Variants in PRR16 observed in about 807,000 individuals in gnomAD.
The protein encoded by PRR16 is proline rich 16, also known as protein Largen.
PRR16 carries 6 observed loss-of-function variants against 18.2 expected under a neutral mutation model. That is an observed-to-expected ratio of 0.33 (90% CI 0.18 to 0.65). The LOEUF (loss-of-function observed/expected upper bound fraction) is 0.65. Ranked by LOEUF, PRR16 falls within the 30% of genes least tolerant of loss-of-function variation. The pLI is 0.74. For missense variants in PRR16, 412 were observed against 376.6 expected (o/e 1.09, Z -0.78); for synonymous variants, 151 against 147.8 (o/e 1.02, Z -0.16).
At chr5:120,589,794 G>A (rs926301337) in intron 1 of PRR16, among the ~76,000 whole-genome samples, 1 of 152,080 alleles carries the variant, frequency 6.6e-6, no homozygotes, top group Non-Finnish European at 1.5e-5. Flanking sequence ...GCAACACGTA[G>A]GAATTATGGG....
chr5:120,744,442 T>G, the PRR16 span, among the ~76,000 whole-genome samples: 1 of 152,208 alleles, frequency 6.6e-6, no homozygotes, highest in Admixed American at 6.5e-5. Flanking sequence ...GGGTGTTACC[T>G]GAAGTCTAAG....
intron 1 of PRR16, among the ~76,000 whole-genome samples, chr5:120,482,159 G>C (rs1182666988): frequency 6.6e-6 from 1 of 152,024 alleles, no homozygotes; most frequent in Non-Finnish European, 1.5e-5. Context: ...TTACATTCAG[G>C]GGGTACATGT....
intron 1 of PRR16, among the ~76,000 whole-genome samples, chr5:120,523,473 G>A (rs1254679492): frequency 6.6e-6 from 1 of 152,108 alleles, no homozygotes; most frequent in Non-Finnish European, 1.5e-5. Context: ...ATTTGTATTT[G>A]TGAGTATTAT....
At chr5:120,718,936 C>A in the PRR16 span, among the ~76,000 whole-genome samples, 7 of 152,088 alleles carry the variant, frequency 4.6e-5, no homozygotes, top group African/African-American at 1.7e-4. Context: ...GGGGCTCTCA[C>A]TGAAGAAGGG....
intron 1 of PRR16, among the ~76,000 whole-genome samples, chr5:120,670,436 T>C (rs1024891837): frequency 2.0e-5 from 3 of 152,176 alleles, no homozygotes; most frequent in African/African-American, 4.8e-5. Flanking sequence ...ATGTAGACTT[T>C]CATTGTTTTC....
chr5:120,774,517 C>T, the PRR16 span, among the ~76,000 whole-genome samples: 1 of 152,024 alleles, frequency 6.6e-6, no homozygotes, highest in Admixed American at 6.6e-5. Context: ...GCATAGAAGC[C>T]ACCCGATGCT....
At position 120,674,535 on chromosome 5, in the gene PRR16, C is replaced by T. The variant is rs181593578; in HGVS notation, c.160-11419C>T. Among the ~76,000 whole-genome samples the T allele has an allele frequency of 1.6e-4, 25 of 152,190 alleles. No homozygotes were observed. In the East Asian group the frequency reaches 4.6e-3, roughly 28 times the overall value. On this transcript the variant is annotated intron_variant, in intron 1 of 1. Transcript: ENST00000407149. ...GCAAAATGTCTTTCACTGTCTATTCCTCCTGAAGAAACTGTATTGATCATG... is the reference window on the plus strand; with the variant it reads ...GCAAAATGTCTTTCACTGTCTATTCTTCCTGAAGAAACTGTATTGATCATG...
chr5:120,597,801 T>C (rs115242416), intron 1 of PRR16, among the ~76,000 whole-genome samples: 3,605 of 152,010 alleles, frequency 0.024, 51 homozygotes, highest in Non-Finnish European at 0.035. Context: ...TTCTAAATCT[T>C]CTAAATATTT....
At chr5:120,576,213 A>G (rs1753072441) in intron 1 of PRR16, among the ~76,000 whole-genome samples, 1 of 152,178 alleles carries the variant, frequency 6.6e-6, no homozygotes. Context: ...CGGAGTGAAG[A>G]GATAAACTAT....
At chr5:120,524,179 C>T (rs1324421683) in intron 1 of PRR16, among the ~76,000 whole-genome samples, 1 of 152,156 alleles carries the variant, frequency 6.6e-6, no homozygotes, top group Non-Finnish European at 1.5e-5. Flanking sequence ...TAAGCTGACT[C>T]CTGTGTCTAA....
In PRR16 at chr5:120,577,345, A is replaced by C. The variant is rs572117172; in HGVS notation, c.160-108609A>C. ...GTTGTAAATTCAGAAAAATGTAGAA[A>C]GTAGAGAGAGACTGTTTTATTGAGG... On this transcript the variant is annotated intron_variant, in intron 1 of 1. Transcript: ENST00000407149. 7.2e-5 allele frequency among the ~76,000 whole-genome samples: 11 copies of C among 152,140 alleles called. No homozygotes were observed. The East Asian group carries it at 2.1e-3, about 29-fold the overall frequency.
chr5:120,782,824 C>G, the PRR16 span, among the ~76,000 whole-genome samples: 1 of 152,132 alleles, frequency 6.6e-6, no homozygotes, highest in Non-Finnish European at 1.5e-5. Flanking sequence ...ATATAACTGT[C>G]TGAACCCACC....
chr5:120,662,585 CTT>C (rs1317243155), intron 1 of PRR16, among the ~76,000 whole-genome samples: 1 of 152,014 alleles, frequency 6.6e-6, no homozygotes, highest in Non-Finnish European at 1.5e-5. Flanking sequence ...CTATGTATTC[CTT>C]TCTTTCTTTT....
chr5:120,631,939 C>G (rs944089967), intron 1 of PRR16, among the ~76,000 whole-genome samples: 1 of 152,124 alleles, frequency 6.6e-6, no homozygotes, highest in African/African-American at 2.4e-5. Flanking sequence ...ACAAAACCAG[C>G]ACACTAAATG....
chr5:120,658,678 A>G (rs1346947992), intron 1 of PRR16, among the ~76,000 whole-genome samples: 2 of 151,968 alleles, frequency 1.3e-5, no homozygotes, highest in Non-Finnish European at 2.9e-5. Context: ...TCCAAGACAT[A>G]AAGATAAAAT....
At chr5:120,736,498 C>T in the PRR16 span, among the ~76,000 whole-genome samples, 9 of 143,860 alleles carry the variant, frequency 6.3e-5, no homozygotes, top group African/African-American at 2.3e-4. Flanking sequence ...CTCCTGACCT[C>T]AAGTGACCCG....
intron 1 of PRR16, among the ~76,000 whole-genome samples, chr5:120,654,856 A>T (rs1314253511): frequency 6.6e-6 from 1 of 151,944 alleles, no homozygotes; most frequent in Non-Finnish European, 1.5e-5. Context: ...AAAAAAAGAT[A>T]AAAACATTGT....
At chr5:120,501,825 G>A (rs1469665575) in intron 1 of PRR16, among the ~76,000 whole-genome samples, 3 of 151,552 alleles carry the variant, frequency 2.0e-5, no homozygotes, top group African/African-American at 7.3e-5. Flanking sequence ...GCGTGGTGGC[G>A]GGTGCCTGTA....
the PRR16 span, among the ~76,000 whole-genome samples, chr5:120,785,153 A>G: frequency 6.6e-6 from 1 of 152,210 alleles, no homozygotes; most frequent in Non-Finnish European, 1.5e-5. Context: ...TCATAAACAA[A>G]GCTTGCCAGT....
Sources: allele counts gnomAD v4.1 joint callset (sites outside exome capture counted in the v4.1 genomes callset), GRCh38; gene constraint gnomAD v4.1.1; transcripts MANE v1.5; gene names NCBI Gene and HGNC (gene_info 2026-07-23, HGNC 2026-07-21).